LYSMD3: variants seen among roughly 807,000 people sequenced by gnomAD.
LYSMD3 encodes LysM domain containing 3, also known as lysM and putative peptidoglycan-binding domain-containing protein 3.
A neutral mutation model predicts 26.1 loss-of-function variants in LYSMD3; 13 were observed. That is an observed-to-expected ratio of 0.50 (90% CI 0.32 to 0.79). LYSMD3 has a LOEUF of 0.79. Among genes scored for constraint, LYSMD3 ranks in the 30% least tolerant of loss-of-function variants. The probability of loss-of-function intolerance (pLI) is 0.03; values close to 1 mark genes in which losing one functional copy is unlikely to be tolerated. For missense variants in LYSMD3, 331 were observed against 362.5 expected (o/e 0.91, Z 0.71); for synonymous variants, 109 against 119.4 (o/e 0.91, Z 0.57).
chr5:90,525,345 C>T (rs537758311), intron 1 of LYSMD3, 45 bp from the exon 2 acceptor site: 206 of 1,522,568 alleles, frequency 1.4e-4, no homozygotes, highest in Admixed American at 4.4e-4. Flanking sequence ...TGTAGCTGAT[C>T]CAACTGACTG....
intron 2 of LYSMD3, 129 bp downstream of exon 2, chr5:90,524,906 T>C: frequency 1.1e-6 from 1 of 927,390 alleles, no homozygotes; most frequent in Non-Finnish European, 1.6e-6. Flanking sequence ...TGACACAGAT[T>C]TCTATGCAAA....
Position 90,519,126 on chromosome 5 carries a change from C to A in LYSMD3, c.614G>T (p.Arg205Leu), listed in dbSNP as rs762451880. Reference protein sequence around the residue: ...RFEPDNKNTQRKDPYYGADWG... With the variant: ...RFEPDNKNTQLKDPYYGADWG... ...GTCTGCTCCATAATAGGGGTCTTTA[C>A]GTTGAGTGTTTTTGTTATCAGGTTC... is the stretch of plus-strand genomic sequence containing the variant. The change falls in exon 3 of 3, where the codon CGT (arginine) becomes CTT (leucine). Residue 205 changes from arginine (R) to leucine (L), a missense_variant. Arg to Leu is a moderately radical substitution (Grantham distance 102). This residue lies in a region of LYSMD3 where 262 missense variants were observed against 267.3 expected (regional missense o/e 0.98). Coordinates refer to ENST00000315948, the MANE Select transcript of LYSMD3 (RefSeq NM_198273.2). The A allele has an allele frequency of 6.2e-7, 1 of 1,614,110 alleles. No homozygotes were observed. The highest frequency in any genetic ancestry group is 8.5e-7 in the Non-Finnish European group (1 of 1,179,988).
In LYSMD3 at chr5:90,519,301, C is replaced by G. The variant is rs756124640; in HGVS notation, c.439G>C (p.Ala147Pro). The change falls in exon 3 of 3, where the codon GCT (alanine) becomes CCT (proline). Residue 147 changes from alanine (A) to proline (P), a missense_variant. Physicochemically the swap from Ala to Pro is conservative, Grantham distance 27 (BLOSUM62 -1). Around this residue, in one of 3 missense-constraint regions of LYSMD3, gnomAD observed 262 missense variants for 267.3 expected, o/e 0.98. Coordinates refer to ENST00000315948, the MANE Select transcript of LYSMD3 (RefSeq NM_198273.2). ...TCACTGTAAGCAAGAGAATCATTAG[C>G]TGGCAAAATTTCCTGTTGTTCGGAA... is the stretch of plus-strand genomic sequence containing the variant. The part of the protein sequence containing the change: ...YSSEQQEILP[A>P]NDSLAYSDSA... 9.3e-6 allele frequency: 15 copies of G among 1,613,936 alleles called. No individual in the cohort carries two copies. The South Asian group carries it at 1.1e-4, about 12-fold the overall frequency.
chr5:90,519,267 CCAGCT>C lies in LYSMD3; in HGVS notation c.468_472del (p.Ala157Ter). The C allele has an allele frequency of 6.2e-7, 1 of 1,613,962 alleles. No homozygotes were observed. The highest frequency in any genetic ancestry group is 8.5e-7 in the Non-Finnish European group (1 of 1,179,994). ...TCGGTCTACTTCTTTTAAAAAGCTA[CCAGCT>C]GAGTCACTGTAAGCAAGAGAATCAT... is the stretch of plus-strand genomic sequence containing the variant. On this transcript the variant is annotated frameshift_variant, in exon 3 of 3. Coordinates refer to ENST00000315948, the MANE Select transcript of LYSMD3 (RefSeq NM_198273.2). LOFTEE classifies it high-confidence loss of function.
chr5:90,519,556 C>A, intron 2 of LYSMD3, 72 bp from the exon 3 acceptor site: 1 of 1,423,038 alleles, frequency 7.0e-7, no homozygotes, highest in Non-Finnish European at 9.4e-7. Context: ...GTCATTCATT[C>A]TAGTTACTTT....
rs1244783513 is a variant in LYSMD3 at position 90,516,520 on chromosome 5, CAAGGT to C, written c.*2294_*2298del. The C allele has an allele frequency of 6.6e-6, 1 of 152,006 alleles. No individual in the cohort carries two copies. The highest frequency in any genetic ancestry group is 2.4e-5 in the African/African-American group (1 of 41,406). 9.4% of individuals were successfully genotyped at this position (152,006 alleles called of 1,614,324 possible). ...ACAATAACTGTGCTTGTTAGTTATA[CAAGGT>C]AATTTGCATTTGATATAAACTTAAC... On this transcript the variant is annotated 3_prime_UTR_variant, in exon 3 of 3. Transcript: ENST00000315948.
intron 2 of LYSMD3, among the ~76,000 whole-genome samples, chr5:90,524,677 C>T (rs1425020970): frequency 1.3e-5 from 2 of 152,230 alleles, no homozygotes; most frequent in South Asian, 4.1e-4. Flanking sequence ...CTGCAAGCTC[C>T]GCCTCCCAGG....
chr5:90,519,731 G>A (rs1753043649), intron 2 of LYSMD3, among the ~76,000 whole-genome samples: 1 of 152,014 alleles, frequency 6.6e-6, no homozygotes, highest in Non-Finnish European at 1.5e-5. Context: ...ACTAATTAAT[G>A]CTATTTAAGT....
intron 2 of LYSMD3, among the ~76,000 whole-genome samples, chr5:90,523,565 G>T (rs866340589): frequency 1.3e-5 from 2 of 151,934 alleles, no homozygotes; most frequent in Middle Eastern, 6.8e-3. Flanking sequence ...AAAAAGGAAT[G>T]ATATAAAATC....
chr5:90,525,634 G>C (rs1753206016), intron 1 of LYSMD3, among the ~76,000 whole-genome samples: 1 of 152,078 alleles, frequency 6.6e-6, no homozygotes, highest in Non-Finnish European at 1.5e-5. Context: ...ATTTTTAGTA[G>C]AGACAGGGTT....
In LYSMD3 at chr5:90,524,748, C is replaced by T. The variant is rs7722418; in HGVS notation, c.255+287G>A. The stretch of plus-strand genomic sequence containing the variant: ...CTGGGACTACAGGCGCCTGCCAACA[C>T]GCCCGGCTAATTTTTTTGTATTTTT... On this transcript the variant is annotated intron_variant, in intron 2 of 2. Coordinates refer to ENST00000315948, the MANE Select transcript of LYSMD3 (RefSeq NM_198273.2). 4.9e-3 allele frequency among the ~76,000 whole-genome samples: 750 copies of T among 152,216 alleles called. 7 individuals are homozygous for T. The highest frequency in any genetic ancestry group is 0.017 in the African/African-American group (716 of 41,544).
In LYSMD3 at chr5:90,517,740, A is replaced by T. The variant is rs1334533909; in HGVS notation, c.*1079T>A. On this transcript the variant is annotated 3_prime_UTR_variant, in exon 3 of 3. Transcript: ENST00000315948. The stretch of plus-strand genomic sequence containing the variant: ...TTGTCTGTTACTGCTAATATAAAAT[A>T]CCTCTACTCTTTTTTGCTTAATGAA... 6.6e-6 allele frequency: 1 copy of T among 152,394 alleles called. No homozygotes were observed. Among genetic ancestry groups the T allele is most frequent in the African/African-American group, 2.4e-5 (1 of 41,440 alleles). The allele number at this position is 152,394 out of a possible 1,614,324, so 9.4% of individuals were successfully genotyped here. A position where few individuals can be genotyped will look rare whatever the true frequency, so the allele number is the denominator to read the frequency against.
intron 2 of LYSMD3, among the ~76,000 whole-genome samples, chr5:90,524,656 G>A (rs565859622): frequency 6.6e-6 from 1 of 152,146 alleles, no homozygotes; most frequent in Non-Finnish European, 1.5e-5. Context: ...GCAGTGGCGC[G>A]ATCTCGGCTC....
At chr5:90,523,739 T>C (rs569939561) in intron 2 of LYSMD3, among the ~76,000 whole-genome samples, 1 of 152,276 alleles carries the variant, frequency 6.6e-6, no homozygotes, top group African/African-American at 2.4e-5. Context: ...CTGAAAATTA[T>C]ACCATTTGTA....
Position 90,524,836 on chromosome 5 carries a change from C to G in LYSMD3, c.255+199G>C, listed in dbSNP as rs574057753. On this transcript the variant is annotated intron_variant, in intron 2 of 2. Transcript: ENST00000315948. ...CTCAAGCTCCTGACCTCGTGATCCA[C>G]CCGCCTCGGCCTCCCAAAGTGCTGG... Among the ~76,000 whole-genome samples, 4 of 152,200 alleles carry G rather than the reference C, an allele frequency of 2.6e-5. No individual in the cohort carries two copies. The East Asian group carries it at 7.7e-4, about 29-fold the overall frequency.
At position 90,515,948 on chromosome 5, in the gene LYSMD3, C is replaced by A. The variant is rs1399355990; in HGVS notation, c.*2871G>T. ...ATTTAAATACAGACTTTAAAAAACT[C>A]CACCTTTACCCTGTAACACTGACTA... On this transcript the variant is annotated 3_prime_UTR_variant, in exon 3 of 3. Transcript: ENST00000315948. The A allele has an allele frequency of 1.3e-5, 2 of 152,080 alleles. No individual in the cohort carries two copies. Among genetic ancestry groups the A allele is most frequent in the African/African-American group, 4.8e-5 (2 of 41,420 alleles). The allele number at this position is 152,080 out of a possible 1,614,324, so 9.4% of individuals were successfully genotyped here.
chr5:90,528,977 G>A (rs1753291752), intron 1 of LYSMD3, among the ~76,000 whole-genome samples: 1 of 152,158 alleles, frequency 6.6e-6, no homozygotes, highest in African/African-American at 2.4e-5. Flanking sequence ...CACCCTATCC[G>A]CTGCCAGGGA....
intron 1 of LYSMD3, among the ~76,000 whole-genome samples, chr5:90,528,529 T>G (rs989562948): frequency 2.0e-5 from 3 of 152,234 alleles, no homozygotes; most frequent in Admixed American, 2.0e-4. Context: ...CCCTTTATAA[T>G]GAAATGCAGG....
intron 2 of LYSMD3, among the ~76,000 whole-genome samples, chr5:90,523,850 C>G (rs1387642491): frequency 6.6e-6 from 1 of 151,948 alleles, no homozygotes; most frequent in East Asian, 1.9e-4. Context: ...AGTATGAGAA[C>G]AAAAAGTTTG....
Sources: gnomAD v4.1 joint callset for allele counts (sites outside exome capture counted in the v4.1 genomes callset) on GRCh38, gnomAD v4.1.1 for gene constraint, gnomAD v4.1.1 regional missense constraint, MANE v1.5 for transcripts, NCBI Gene and HGNC (gene_info 2026-07-23, HGNC 2026-07-21) for gene names.